CCDC186: variants seen among roughly 807,000 people sequenced by gnomAD.
The protein encoded by CCDC186 is coiled-coil domain-containing protein 186.
Under a neutral mutation model 113.7 loss-of-function variants are expected in CCDC186, and 49 were observed. That is an observed-to-expected ratio of 0.43 (90% CI 0.34 to 0.55). The LOEUF (loss-of-function observed/expected upper bound fraction) is 0.55, where lower values mean the gene tolerates loss of function less well. Among genes scored for constraint, CCDC186 ranks in the 20% least tolerant of loss-of-function variants. CCDC186 has a pLI of 0.02. For missense variants in CCDC186, 890 were observed against 1,011.1 expected (o/e 0.88, Z 1.62); for synonymous variants, 355 against 345.8 (o/e 1.03, Z -0.30).
At chr10:114,149,786 CAGGAAGGAAGGAAGGAAGGAAGGAAGGA>C (rs879496767) in intron 4 of CCDC186, among the ~76,000 whole-genome samples, 3 of 48,096 alleles carry the variant, frequency 6.2e-5, no homozygotes, top group African/African-American at 3.1e-4. Context: ...GGCAGGAAGG[CAGGAAGGAAGGAAGGAAGGAAGGAAGGA>C]AGGCAGGAAG....
At chr10:114,169,258 T>C (rs1053137290) in intron 1 of CCDC186, among the ~76,000 whole-genome samples, 80 of 137,856 alleles carry the variant, frequency 5.8e-4, no homozygotes, top group Non-Finnish European at 8.4e-4. Flanking sequence ...TTTTTTTTTT[T>C]CTTAAAAATG....
At chr10:114,137,140 T>G (rs373309937) in intron 7 of CCDC186, 46 bp downstream of exon 7, 5 of 1,416,870 alleles carry the variant, frequency 3.5e-6, no homozygotes, top group Non-Finnish European at 3.0e-6. Context: ...AGAGAACTGA[T>G]ATTTGCTAAA....
chr10:114,162,454 A>G lies in CCDC186; in HGVS notation c.632+183T>C, dbSNP rs191575843. ...ACTATTTAACATATTGAACTCAGAT[A>G]TCTGAAAAACTCGACATTTGCTCAC... On this transcript the variant is annotated intron_variant, in intron 2 of 15. Transcript: ENST00000369287. 4.6e-4 allele frequency: 234 copies of G among 505,484 alleles called. 1 individual carries two copies. In the East Asian group the frequency reaches 6.9e-3, roughly 15 times the overall value. The allele number at this position is 505,484 out of a possible 1,614,324, so 31.3% of individuals were successfully genotyped here.
chr10:114,138,779 C>A (rs2031364858), intron 6 of CCDC186, among the ~76,000 whole-genome samples: 1 of 152,164 alleles, frequency 6.6e-6, no homozygotes. Flanking sequence ...TCATTGTTCC[C>A]TGACTGGCTT....
chr10:114,169,847 T>C (rs2032442972), intron 1 of CCDC186, among the ~76,000 whole-genome samples: 1 of 152,210 alleles, frequency 6.6e-6, no homozygotes, highest in Non-Finnish European at 1.5e-5. Flanking sequence ...AACTGACTTT[T>C]GATAAATAAT....
intron 7 of CCDC186, 49 bp from the exon 8 acceptor site, chr10:114,136,295 C>T (rs1389930614): frequency 1.1e-5 from 15 of 1,381,634 alleles, no homozygotes; most frequent in African/African-American, 2.8e-5. Context: ...ACCCATTTCC[C>T]GTTTGCCCTG....
At chr10:114,170,801 T>TCACACA (rs145923036) in intron 1 of CCDC186, among the ~76,000 whole-genome samples, 1 of 151,146 alleles carries the variant, frequency 6.6e-6, no homozygotes, top group Non-Finnish European at 1.5e-5. Flanking sequence ...GTGCATTATA[T>TCACACA]CACACACACA....
At chr10:114,132,614 A>G (rs778790618) in intron 10 of CCDC186, among the ~76,000 whole-genome samples, 3 of 152,210 alleles carry the variant, frequency 2.0e-5, no homozygotes, top group African/African-American at 4.8e-5. Context: ...AAACTGCCAC[A>G]GATATTACAT....
intron 13 of CCDC186, among the ~76,000 whole-genome samples, chr10:114,129,187 C>T (rs531779459): frequency 6.6e-6 from 1 of 151,842 alleles, no homozygotes; most frequent in Non-Finnish European, 1.5e-5. Context: ...ATTAGCTAGG[C>T]GTGGTGGCAA....
At chr10:114,154,223 A>G (rs1391345354) in intron 3 of CCDC186, among the ~76,000 whole-genome samples, 6 of 151,022 alleles carry the variant, frequency 4.0e-5, no homozygotes, top group African/African-American at 9.7e-5. Context: ...AAAAAAAAAA[A>G]AAAAGAAAAG....
In CCDC186 at chr10:114,131,277, A is replaced by T. The variant is rs201550586; in HGVS notation, c.1971T>A (p.Ala657=). 7 of 1,602,062 alleles carry T rather than the reference A, an allele frequency of 4.4e-6. No individual in the cohort carries two copies. The highest frequency in any genetic ancestry group is 6.0e-6 in the Non-Finnish European group (7 of 1,175,096). ...CTTCTGTTTGTCTACAAGCGAGTTC[A>T]GCTTGCAGAGTTTGGACTTCCTCTT... The part of the protein sequence containing the change: ...LRKEEVQTLQ[A]ELACRQTEVK... The change falls in exon 12 of 16, where the codon GCT becomes GCA. Residue 657 remains alanine, a synonymous_variant. Coordinates refer to ENST00000369287, the MANE Select transcript of CCDC186 (RefSeq NM_018017.4).
rs776927562 is a variant in CCDC186, at chr10:114,135,034, G to A, written c.1534C>T (p.Arg512Ter). Residue 512 changes from arginine (R) to a stop codon, truncating the protein, a stop_gained, in exon 10 of 16, where the codon CGA becomes TGA. Transcript: ENST00000369287. LOFTEE classifies it high-confidence loss of function. ...RTKVKCLEDE[R>*]LRTEDELSKY... Reference sequence around the variant, plus strand: ...GATAATTCATCTTCTGTTCTTAATCGTTCATCTTCTAGACATTTCACCTAT... The same window carrying A: ...GATAATTCATCTTCTGTTCTTAATCATTCATCTTCTAGACATTTCACCTAT... 5 of 1,607,750 alleles carry A rather than the reference G, an allele frequency of 3.1e-6. No homozygotes were observed. Among genetic ancestry groups the A allele is most frequent in the African/African-American group, 1.3e-5 (1 of 74,576 alleles).
chr10:114,144,522 A>G lies in CCDC186; in HGVS notation c.1196T>C (p.Leu399Ser), dbSNP rs1306782041. 1 of 1,613,206 alleles carries G rather than the reference A, an allele frequency of 6.2e-7. No homozygotes were observed. Among genetic ancestry groups the G allele is most frequent in the Admixed American group, 1.7e-5 (1 of 59,978 alleles). ...CTTGTGTGAATCCATTTCAGCTTTTAATTTGTTTTGTGCCCACTTTACTTT... is the reference window on the plus strand; with the variant it reads ...CTTGTGTGAATCCATTTCAGCTTTTGATTTGTTTTGTGCCCACTTTACTTT... The part of the protein sequence containing the change: ...VIKVKWAQNK[L>S]KAEMDSHKET... Residue 399 changes from leucine (L) to serine (S), a missense_variant, in exon 6 of 16, where the codon TTA becomes TCA. Transcript: ENST00000369287.
rs997135578 is a variant in CCDC186, at chr10:114,122,567, T to C, written c.*2576A>G. ...AACAGCCTTGATATGTAACAACCAA[T>C]AATGAACATATAAAACAAACTTCCC... On this transcript the variant is annotated 3_prime_UTR_variant, in exon 16 of 16. Coordinates refer to ENST00000369287, the MANE Select transcript of CCDC186 (RefSeq NM_018017.4). 4 of 152,106 alleles carry C rather than the reference T, an allele frequency of 2.6e-5. No homozygotes were observed. Among genetic ancestry groups the C allele is most frequent in the African/African-American group, 9.7e-5 (4 of 41,422 alleles). 9.4% of individuals were successfully genotyped at this position (152,106 alleles called of 1,614,324 possible). A position where few individuals can be genotyped will look rare whatever the true frequency, so the allele number is the denominator to read the frequency against.
At chr10:114,172,325 A>G (rs2032515987) in intron 1 of CCDC186, among the ~76,000 whole-genome samples, 2 of 152,128 alleles carry the variant, frequency 1.3e-5, no homozygotes, top group Non-Finnish European at 2.9e-5. Flanking sequence ...TTTTATCTTC[A>G]CTCTGTGATG....
At chr10:114,170,094 A>G (rs1388245110) in intron 1 of CCDC186, among the ~76,000 whole-genome samples, 1 of 152,206 alleles carries the variant, frequency 6.6e-6, no homozygotes, top group African/African-American at 2.4e-5. Flanking sequence ...TAAAAACAGA[A>G]TAATAGGATG....
chr10:114,125,926 G>C lies in CCDC186; in HGVS notation c.2573C>G (p.Ala858Gly). ...TTTTAGTAACGTATCCTCCAAAACA[G>C]CCTGTAATTTTCGGTTGATTTCCAA... is the stretch of plus-strand genomic sequence containing the variant. ...LSLEINRKLQ[A>G]VLEDTLLKNI... Residue 858 changes from alanine to glycine, a missense_variant, in exon 15 of 16, where the codon GCT becomes GGT. By Grantham distance (60) the Ala-to-Gly change is moderately conservative. Coordinates refer to ENST00000369287, the MANE Select transcript of CCDC186 (RefSeq NM_018017.4). 1 of 1,613,916 alleles carries C rather than the reference G, an allele frequency of 6.2e-7. No homozygotes were observed. Among genetic ancestry groups the C allele is most frequent in the Non-Finnish European group, 8.5e-7 (1 of 1,179,902 alleles).
chr10:114,156,894 C>A (rs2032026607), intron 3 of CCDC186, among the ~76,000 whole-genome samples: 1 of 152,124 alleles, frequency 6.6e-6, no homozygotes, highest in Admixed American at 6.5e-5. Flanking sequence ...CATCCTAATG[C>A]CAGACATAAA....
At chr10:114,157,716 T>C (rs1370205044) in intron 2 of CCDC186, 36 bp from the exon 3 acceptor site, 3 of 1,480,458 alleles carry the variant, frequency 2.0e-6, no homozygotes, top group Non-Finnish European at 2.7e-6. Flanking sequence ...TAAAACATAA[T>C]TTAAAATGGA....
Sources: gnomAD v4.1 joint callset for allele counts (sites outside exome capture counted in the v4.1 genomes callset) on GRCh38, gnomAD v4.1.1 for gene constraint, MANE v1.5 for transcripts, NCBI Gene and HGNC (gene_info 2026-07-23, HGNC 2026-07-21) for gene names.